The following IL17REL variants were observed in gnomAD, a reference collection of about 807,000 sequenced individuals.
IL17REL encodes the protein interleukin-17 receptor E-like protein.
Under a neutral mutation model 49.0 loss-of-function variants are expected in IL17REL, and 36 were observed. The ratio of observed to expected loss-of-function variants is 0.73; its 90% CI spans 0.56 to 0.97. IL17REL has a LOEUF of 0.97. Among genes scored for constraint, IL17REL ranks in the 50% least tolerant of loss-of-function variants. IL17REL has a pLI of 0.00. For missense variants in IL17REL, 470 were observed against 453.9 expected (o/e 1.04, Z -0.32); for synonymous variants, 206 against 192.4 (o/e 1.07, Z -0.58).
upstream of IL17REL, among the ~76,000 whole-genome samples, chr22:50,011,914 C>A (rs773974047): frequency 6.6e-6 from 1 of 152,246 alleles, no homozygotes; most frequent in Admixed American, 6.5e-5. Context: ...GAACGGTGCA[C>A]CCAGCAGGTC....
intron 1 of IL17REL, 134 bp from the exon 3 acceptor site, chr22:50,001,365 C>G: frequency 3.4e-6 from 2 of 584,656 alleles, no homozygotes; most frequent in East Asian, 5.8e-5. Context: ...TTGCCCCAGG[C>G]CAACTGGAGA....
intron 1 of IL17REL, among the ~76,000 whole-genome samples, chr22:50,005,284 T>C (rs1296708057): frequency 6.6e-6 from 1 of 152,148 alleles, no homozygotes; most frequent in Admixed American, 6.6e-5. Context: ...GCAATAAATA[T>C]GTTTTGCCTT....
At chr22:50,011,991 C>T (rs1294513159), upstream of IL17REL, among the ~76,000 whole-genome samples, 2 of 152,214 alleles carry the variant, frequency 1.3e-5, no homozygotes, top group African/African-American at 2.4e-5. Flanking sequence ...CCACTGTGCC[C>T]GGCCAGCCTT....
chr22:50,004,508 G>A (rs534780054), intron 1 of IL17REL, among the ~76,000 whole-genome samples: 7 of 152,198 alleles, frequency 4.6e-5, no homozygotes, highest in Admixed American at 3.3e-4. Context: ...CATCATCCCC[G>A]GGGCTTGGTA....
exon 5 of IL17REL, chr22:49,999,864 C>T: frequency 1.3e-6 from 2 of 1,542,076 alleles, no homozygotes; most frequent in Non-Finnish European, 8.7e-7. Context: ...AGGTGAACCG[C>T]TTGAGGCAGA....
chr22:50,008,757 T>A (rs1387785356), upstream of IL17REL: 1 of 152,914 alleles, frequency 6.5e-6, no homozygotes, highest in Non-Finnish European at 1.5e-5. Flanking sequence ...CTGGGGGTCC[T>A]GGGCTGCCCT....
At chr22:50,002,188 G>A (rs1300964811) in intron 1 of IL17REL, among the ~76,000 whole-genome samples, 1 of 152,216 alleles carries the variant, frequency 6.6e-6, no homozygotes, top group Non-Finnish European at 1.5e-5. Context: ...AACCTCCAAA[G>A]GGCAGCTAGG....
At chr22:49,994,376 G>C (rs967981712), downstream of IL17REL, 1 of 152,404 alleles carries the variant, frequency 6.6e-6, no homozygotes, top group Non-Finnish European at 1.5e-5. Context: ...GGTGCTCCCT[G>C]CCCCCCACAT....
chr22:50,000,850 G>A (rs1953710352), exon 3 of IL17REL: 5 of 1,569,778 alleles, frequency 3.2e-6, no homozygotes, highest in Middle Eastern at 2.0e-4. Context: ...AGGCCTCCAG[G>A]CCCCGCAGGC....
chr22:49,996,833 C>T (rs1195527374), exon 13 of IL17REL: 16 of 542,976 alleles, frequency 2.9e-5, no homozygotes, highest in Admixed American at 7.4e-5. Flanking sequence ...TGCTGGGGGA[C>T]GGAGAAGTGT....
exon 10 of IL17REL, chr22:49,997,698 C>G: frequency 6.2e-7 from 1 of 1,613,944 alleles, no homozygotes; most frequent in Non-Finnish European, 8.5e-7. Context: ...GGAAGCGACG[C>G]TGTTCGAAAG....
chr22:49,997,420 G>A, intron 10 of IL17REL: 2 of 1,613,202 alleles, frequency 1.2e-6, no homozygotes, highest in South Asian at 1.1e-5. Context: ...GGCGGGGCTG[G>A]ACGAGAAGAA....
chr22:50,005,536 T>C (rs2061104754), intron 1 of IL17REL, among the ~76,000 whole-genome samples: 1 of 152,106 alleles, frequency 6.6e-6, no homozygotes, highest in South Asian at 2.1e-4. Context: ...GCGCGGTGGC[T>C]CACGCCTGTA....
upstream of IL17REL, among the ~76,000 whole-genome samples, chr22:50,011,858 C>T (rs1797266000): frequency 6.6e-6 from 1 of 152,218 alleles, no homozygotes; most frequent in African/African-American, 2.4e-5. Context: ...GGTGACCAGG[C>T]CACCACCCTA....
chr22:50,010,687 C>T (rs942385349), upstream of IL17REL, among the ~76,000 whole-genome samples: 5 of 152,182 alleles, frequency 3.3e-5, no homozygotes, highest in African/African-American at 9.7e-5. Flanking sequence ...GGCCCCGTGG[C>T]CCGAGTGTCT....
exon 2 of IL17REL, chr22:50,001,106 C>T (rs2061077410): frequency 3.1e-6 from 5 of 1,597,192 alleles, no homozygotes; most frequent in Non-Finnish European, 3.4e-6. Context: ...GAGGCGCGTA[C>T]ACGCAGGAGC....
At chr22:49,999,966 C>T in exon 5 of IL17REL, 1 of 1,509,210 alleles carries the variant, frequency 6.6e-7, no homozygotes, top group South Asian at 1.3e-5. Context: ...TGAGCTTCCC[C>T]GCTGCAGGAG....
intron 7 of IL17REL, among the ~76,000 whole-genome samples, 200 bp downstream of exon 9, chr22:49,999,091 G>A (rs1024795530): frequency 3.6e-5 from 5 of 139,400 alleles, no homozygotes; most frequent in African/African-American, 1.4e-4. Context: ...GCGCACACAT[G>A]TACATTGCAC....
At chr22:49,996,967 G>A (rs1317786155) in intron 12 of IL17REL, 27 bp downstream of exon 14, 4 of 1,243,228 alleles carry the variant, frequency 3.2e-6, no homozygotes, top group Non-Finnish European at 4.5e-6. Flanking sequence ...GAGATGGCTA[G>A]GGGCTGGGCA....
Sources: gnomAD v4.1 joint callset for allele counts (sites outside exome capture counted in the v4.1 genomes callset) on GRCh38, gnomAD v4.1.1 for gene constraint, MANE v1.5 for transcripts, NCBI Gene and HGNC (gene_info 2026-07-23, HGNC 2026-07-21) for gene names.